FNDC3B: variants seen among roughly 807,000 people sequenced by gnomAD.
FNDC3B encodes the protein fibronectin type III domain-containing protein 3B.
FNDC3B carries 12 observed loss-of-function variants against 151.5 expected under a neutral mutation model. The ratio of observed to expected loss-of-function variants is 0.08; its 90% confidence interval spans 0.05 to 0.13. FNDC3B has a LOEUF of 0.13. FNDC3B is among the 10% of genes least tolerant of loss of function. The pLI is 1.00. For missense variants in FNDC3B, 1,214 were observed against 1,505.3 expected, an observed-to-expected ratio of 0.81 and a Z score of 3.20; for synonymous variants, 528 against 549.0, an observed-to-expected ratio of 0.96 and a Z score of 0.54.
intron 12 of FNDC3B, chr3:172,329,798 A>G (rs1469164405): frequency 2.0e-5 from 3 of 152,174 alleles, no homozygotes; most frequent in Non-Finnish European, 4.4e-5. Flanking sequence ...TGCCTCCACC[A>G]CCATGGTAGC....
At chr3:172,046,343 T>C (rs1716370395) in intron 1 of FNDC3B, among the ~76,000 whole-genome samples, 1 of 152,168 alleles carries the variant, frequency 6.6e-6, no homozygotes, top group African/African-American at 2.4e-5. Flanking sequence ...TTTCTTTTTC[T>C]TTTTTAAGAT....
chr3:172,090,078 T>C (rs988429107), intron 1 of FNDC3B, among the ~76,000 whole-genome samples: 2 of 152,214 alleles, frequency 1.3e-5, no homozygotes, highest in African/African-American at 4.8e-5. Context: ...CTATTCCGAA[T>C]TTCCAGATAT....
chr3:172,137,651 A>G (rs190283735), intron 3 of FNDC3B, among the ~76,000 whole-genome samples: 341 of 152,304 alleles, frequency 2.2e-3, no homozygotes, highest in African/African-American at 7.4e-3. Context: ...CTATTAAAAA[A>G]GAAAAAAAAA....
intron 1 of FNDC3B, among the ~76,000 whole-genome samples, chr3:172,101,238 A>C (rs1395408570): frequency 6.6e-6 from 1 of 152,244 alleles, no homozygotes; most frequent in African/African-American, 2.4e-5. Context: ...AAAAGAGGCC[A>C]CAGCTGGGAA....
chr3:172,371,311 A>G (rs1343684791), intron 23 of FNDC3B, among the ~76,000 whole-genome samples: 1 of 152,364 alleles, frequency 6.6e-6, no homozygotes, highest in Admixed American at 6.5e-5. Flanking sequence ...AAAGCAGAAC[A>G]TGTTCAGTAT....
chr3:172,370,323 G>A (rs900407611), intron 23 of FNDC3B, among the ~76,000 whole-genome samples: 2 of 151,912 alleles, frequency 1.3e-5, no homozygotes, highest in Non-Finnish European at 2.9e-5. Flanking sequence ...TCCCCCTATA[G>A]TGATTTAAAA....
rs1193605033 is a variant in FNDC3B at position 172,353,049 on chromosome 3, G to C, written c.2761G>C (p.Val921Leu). 2 of 1,614,082 alleles carry C rather than the reference G, an allele frequency of 1.2e-6. No homozygotes were observed. The highest frequency in any genetic ancestry group is 4.5e-5 in the East Asian group (2 of 44,886). Residue 921 changes from valine to leucine, a missense_variant, in exon 22 of 26, where the codon GTT becomes CTT. Around this residue, in one of 7 missense-constraint regions of FNDC3B, gnomAD observed 284 missense variants for 392.4 expected, o/e 0.72. Coordinates refer to ENST00000415807, the MANE Select transcript of FNDC3B (RefSeq NM_022763.4). ...SITVGNTTMH[V>L]MKDLLPETTY... is the part of the protein sequence containing the mutation. ...TACCGTGGGCAACACCACCATGCATGTTATGAAAGATCTCCTTCCAGAAAC... is the reference window on the plus strand; with the variant it reads ...TACCGTGGGCAACACCACCATGCATCTTATGAAAGATCTCCTTCCAGAAAC...
intron 1 of FNDC3B, among the ~76,000 whole-genome samples, chr3:172,080,937 C>T (rs1718249628): frequency 6.6e-6 from 1 of 152,166 alleles, no homozygotes; most frequent in African/African-American, 2.4e-5. Context: ...ACTTCAGCTG[C>T]TTACGTTGTT....
At chr3:172,245,195 C>T (rs1673115036) in intron 4 of FNDC3B, among the ~76,000 whole-genome samples, 1 of 151,952 alleles carries the variant, frequency 6.6e-6, no homozygotes, top group Admixed American at 6.6e-5. Context: ...TTAACAGGTC[C>T]AAAGTTATAT....
At chr3:172,267,199 A>C (rs1428938962) in intron 6 of FNDC3B, among the ~76,000 whole-genome samples, 2 of 150,288 alleles carry the variant, frequency 1.3e-5, no homozygotes, top group Non-Finnish European at 1.5e-5. Flanking sequence ...TCTGTCACCC[A>C]GACTGGAGTG....
At chr3:172,378,920 T>C (rs1219222929) in intron 24 of FNDC3B, among the ~76,000 whole-genome samples, 3 of 152,230 alleles carry the variant, frequency 2.0e-5, no homozygotes, top group East Asian at 1.9e-4. Context: ...GGTACTTATC[T>C]TGAAGTTTCT....
intron 17 of FNDC3B, 127 bp from the exon 18 acceptor site, chr3:172,342,884 C>A: frequency 1.7e-6 from 1 of 593,552 alleles, no homozygotes; most frequent in Non-Finnish European, 3.1e-6. Context: ...CCATAATGTG[C>A]ACACATTTAG....
intron 3 of FNDC3B, among the ~76,000 whole-genome samples, chr3:172,145,671 T>C (rs1437414705): frequency 6.6e-6 from 1 of 152,240 alleles, no homozygotes; most frequent in Non-Finnish European, 1.5e-5. Flanking sequence ...GATTGTTTCA[T>C]TGGGACGTAA....
chr3:172,337,045 A>G (rs552366538), intron 15 of FNDC3B, among the ~76,000 whole-genome samples: 2 of 152,162 alleles, frequency 1.3e-5, no homozygotes, highest in Non-Finnish European at 2.9e-5. Flanking sequence ...AAATTCAACA[A>G]CTTGATCAGT....
At chr3:172,339,942 TG>T (rs995284952) in intron 16 of FNDC3B, among the ~76,000 whole-genome samples, 1 of 152,216 alleles carries the variant, frequency 6.6e-6, no homozygotes, top group Non-Finnish European at 1.5e-5. Context: ...AATAAGCCGC[TG>T]GGGGAATTTG....
At chr3:172,255,888 TG>T (rs540819539) in intron 6 of FNDC3B, among the ~76,000 whole-genome samples, 32 of 152,346 alleles carry the variant, frequency 2.1e-4, no homozygotes, top group Middle Eastern at 6.8e-3. Flanking sequence ...TCATGGTCCC[TG>T]GTGTCTCCTC....
chr3:172,304,097 T>C (rs775078616), intron 9 of FNDC3B, among the ~76,000 whole-genome samples: 4 of 152,208 alleles, frequency 2.6e-5, no homozygotes, highest in Non-Finnish European at 5.9e-5. Context: ...TCTTTTACTT[T>C]TATCCTCACT....
At chr3:172,370,658 C>A (rs1203622475) in intron 23 of FNDC3B, among the ~76,000 whole-genome samples, 2 of 152,202 alleles carry the variant, frequency 1.3e-5, no homozygotes, top group African/African-American at 4.8e-5. Context: ...TGGCTAAGGT[C>A]TGTGTGTATC....
intron 25 of FNDC3B, among the ~76,000 whole-genome samples, chr3:172,396,696 CTG>C (rs1442541332): frequency 6.6e-6 from 1 of 152,142 alleles, no homozygotes; most frequent in Non-Finnish European, 1.5e-5. Context: ...GTATTGTGAA[CTG>C]TGTATACGAG....
Sources: allele counts gnomAD v4.1 joint callset (sites outside exome capture counted in the v4.1 genomes callset), GRCh38; gene constraint gnomAD v4.1.1; regional missense constraint gnomAD v4.1.1; transcripts MANE v1.5; gene names NCBI Gene and HGNC (gene_info 2026-07-23, HGNC 2026-07-21).